Variants in DDX6 observed in about 807,000 individuals in gnomAD.
DDX6 encodes DEAD-box helicase 6, also known as probable ATP-dependent RNA helicase DDX6.
A neutral mutation model predicts 60.6 loss-of-function variants in DDX6; 7 were observed. The observed-to-expected ratio is 0.12, with a 90% CI of 0.07 to 0.22. The LOEUF is 0.22. Ranked by LOEUF, DDX6 falls within the 10% of genes least tolerant of loss-of-function variation. The probability of loss-of-function intolerance (pLI) is 1.00; values close to 1 mark genes in which losing one functional copy is unlikely to be tolerated. For missense variants in DDX6, 270 were observed against 589.9 expected (o/e 0.46, Z 5.62); for synonymous variants, 207 against 201.0 (o/e 1.03, Z -0.25).
At chr11:118,775,417 ATT>A (rs1181416664) in intron 4 of DDX6, among the ~76,000 whole-genome samples, 1 of 152,196 alleles carries the variant, frequency 6.6e-6, no homozygotes, top group Non-Finnish European at 1.5e-5. Flanking sequence ...GGATCTGTAA[ATT>A]TTGTTTCGGT....
chr11:118,761,126 G>A (rs1446644659), intron 7 of DDX6, among the ~76,000 whole-genome samples: 2 of 151,696 alleles, frequency 1.3e-5, no homozygotes, highest in African/African-American at 4.8e-5. Flanking sequence ...GGGCAACAGA[G>A]CAAGACTCTG....
chr11:118,766,279 A>G (rs1384943059), intron 5 of DDX6, among the ~76,000 whole-genome samples: 1 of 150,766 alleles, frequency 6.6e-6, no homozygotes, highest in Non-Finnish European at 1.5e-5. Flanking sequence ...AAAAAAATGA[A>G]AAAAATTAGC....
At position 118,757,168 on chromosome 11, in the gene DDX6, C is replaced by T; in HGVS notation, c.1110+3G>A. 6.8e-7 allele frequency: 1 copy of T among 1,481,028 alleles called. No individual in the cohort carries two copies. 91.7% of individuals were successfully genotyped at this position (1,481,028 alleles called of 1,614,324 possible). A position where few individuals can be genotyped will look rare whatever the true frequency, so the allele number is the denominator to read the frequency against. ...TTTGTGCAAGTTCTAGTTTTATACT[C>T]ACCTGCCTCATTTTAGCATGAATAT... On this transcript the variant is annotated splice_donor_region_variant and intron_variant, in intron 10 of 13. Transcript: ENST00000534980.
intron 4 of DDX6, among the ~76,000 whole-genome samples, chr11:118,777,400 ATGTG>A (rs1441733439): frequency 6.6e-6 from 1 of 152,118 alleles, no homozygotes. Context: ...ATTTATGTGT[ATGTG>A]TGTGTGGATA....
At chr11:118,780,939 A>G (rs566727474) in intron 3 of DDX6, among the ~76,000 whole-genome samples, 182 bp downstream of exon 3, 1 of 152,282 alleles carries the variant, frequency 6.6e-6, no homozygotes, top group South Asian at 2.1e-4. Context: ...ACTGCTGAGC[A>G]TTTGTTTTCT....
chr11:118,760,231 C>T (rs782194784), intron 7 of DDX6, among the ~76,000 whole-genome samples, 187 bp from the exon 8 acceptor site: 2 of 152,020 alleles, frequency 1.3e-5, no homozygotes, highest in Admixed American at 6.6e-5. Flanking sequence ...ATCTATAATC[C>T]CCATCTTCTA....
Position 118,749,499 on chromosome 11 carries a change from GATA to G in DDX6, c.*2603_*2605del, listed in dbSNP as rs1860680467. 6.6e-6 allele frequency: 1 copy of G among 151,864 alleles called. No individual in the cohort carries two copies. Among genetic ancestry groups the G allele is most frequent in the African/African-American group, 2.4e-5 (1 of 41,302 alleles). 9.4% of individuals were successfully genotyped at this position (151,864 alleles called of 1,614,324 possible). A position where few individuals can be genotyped will look rare whatever the true frequency, so the allele number is the denominator to read the frequency against. ...GACCGTGTCCAGTAGTGGTGTCCCAGATAGTTTAAGTGCCACTCCTCATTAGAG... is the reference window on the plus strand; with the variant it reads ...GACCGTGTCCAGTAGTGGTGTCCCAGGTTTAAGTGCCACTCCTCATTAGAG... On this transcript the variant is annotated 3_prime_UTR_variant, in exon 14 of 14. Transcript: ENST00000534980.
chr11:118,761,304 C>A (rs1293082686), intron 7 of DDX6, among the ~76,000 whole-genome samples: 4 of 152,022 alleles, frequency 2.6e-5, no homozygotes, highest in Non-Finnish European at 5.9e-5. Flanking sequence ...GTAGTAACTA[C>A]TTTACCGGGA....
chr11:118,770,462 T>C (rs1366504118), intron 4 of DDX6, among the ~76,000 whole-genome samples: 6 of 152,160 alleles, frequency 3.9e-5, no homozygotes, highest in Admixed American at 2.0e-4. Context: ...AAAGCTGCTA[T>C]TGGTAGAAAT....
intron 11 of DDX6, 58 bp downstream of exon 11, chr11:118,756,202 A>G: frequency 7.0e-7 from 1 of 1,437,354 alleles, no homozygotes; most frequent in East Asian, 2.3e-5. Context: ...ATGAACAGAG[A>G]AAGCAAAAAA....
chr11:118,768,441 G>A (rs1333701896), intron 4 of DDX6, 89 bp from the exon 5 acceptor site: 12 of 1,416,810 alleles, frequency 8.5e-6, no homozygotes, highest in Admixed American at 5.5e-5. Context: ...TACCTCTTTC[G>A]GTATTGCTTT....
intron 9 of DDX6, 84 bp from the exon 10 acceptor site, chr11:118,757,371 A>ATTT: frequency 1.6e-6 from 1 of 634,434 alleles, no homozygotes. Context: ...GAACCAGCAA[A>ATTT]AAAGAAACAT....
intron 4 of DDX6, among the ~76,000 whole-genome samples, chr11:118,777,897 G>GAGAAA (rs1861754204): frequency 1.0e-5 from 1 of 99,650 alleles, no homozygotes; most frequent in Non-Finnish European, 1.9e-5. Context: ...TCAAAAAAGA[G>GAGAAA]AAAAAAAAAA....
chr11:118,767,674 C>G (rs1246828399), intron 5 of DDX6: 1 of 141,438 alleles, frequency 7.1e-6, no homozygotes, highest in Non-Finnish European at 1.5e-5. Context: ...ACTCTGTCAC[C>G]CAGGCTGGAG....
At chr11:118,768,518 C>T (rs1211264106) in intron 4 of DDX6, among the ~76,000 whole-genome samples, 166 bp from the exon 5 acceptor site, 1 of 152,122 alleles carries the variant, frequency 6.6e-6, no homozygotes, top group Non-Finnish European at 1.5e-5. Flanking sequence ...ATCAGCACGA[C>T]CAGTCAACAT....
At chr11:118,769,674 T>C (rs76681097) in intron 4 of DDX6, among the ~76,000 whole-genome samples, 131,324 of 152,158 alleles carry the variant, frequency 0.86, 56,869 homozygotes, top group East Asian at 1. Flanking sequence ...TGAAAAAGCT[T>C]GATCGTTGAA....
intron 2 of DDX6, among the ~76,000 whole-genome samples, chr11:118,783,954 G>A (rs1279166043): frequency 2.6e-5 from 4 of 151,244 alleles, no homozygotes. Context: ...CGTCGCTACT[G>A]GTGCATGCCA....
chr11:118,784,087 C>CAAAAA (rs61356183), intron 2 of DDX6, among the ~76,000 whole-genome samples: 1 of 128,620 alleles, frequency 7.8e-6, no homozygotes, highest in Non-Finnish European at 1.6e-5. Flanking sequence ...GACCCTGTCT[C>CAAAAA]AAAAAAAAAA....
At chr11:118,761,402 A>C (rs1407297947) in intron 7 of DDX6, among the ~76,000 whole-genome samples, 1 of 152,208 alleles carries the variant, frequency 6.6e-6, no homozygotes, top group Non-Finnish European at 1.5e-5. Context: ...AGATCACTTG[A>C]GGTCGGGAGT....
Sources: allele counts gnomAD v4.1 joint callset (sites outside exome capture counted in the v4.1 genomes callset), GRCh38; gene constraint gnomAD v4.1.1; transcripts MANE v1.5; gene names NCBI Gene and HGNC (gene_info 2026-07-23, HGNC 2026-07-21).